ACSF3: variants seen among roughly 807,000 people sequenced by gnomAD.
ACSF3 encodes malonate--CoA ligase ACSF3, mitochondrial.
ACSF3 carries 78 observed loss-of-function variants against 53.2 expected under a neutral mutation model. That is an observed-to-expected ratio of 1.47 (90% CI 1.22 to 1.77). The LOEUF (loss-of-function observed/expected upper bound fraction) is 1.77. Among genes scored for constraint, ACSF3 ranks in the 40% most tolerant of loss-of-function variants. ACSF3 has a pLI of 0.00. For synonymous variants in ACSF3, 414 were observed against 333.1 expected (o/e 1.24, Z -2.65); for missense variants, 937 against 771.1 (o/e 1.22, Z -2.55).
In ACSF3 at chr16:89,101,046, C is replaced by T. The variant is rs1441479986; in HGVS notation, c.365C>T (p.Ala122Val). The change falls in exon 3 of 11, where the codon GCA (alanine) becomes GTA (valine). Residue 122 changes from alanine to valine, a missense_variant. Ala to Val is a moderately conservative substitution (Grantham distance 64). Transcript: ENST00000614302. ...GCGTCATGGATGAGTGGCGGTGTGG[C>T]AGTCCCCCTCTACAGGAAGCATCCC... ...QWASWMSGGV[A>V]VPLYRKHPAA... The T allele has an allele frequency of 1.9e-6, 3 of 1,613,900 alleles. No homozygotes were observed. Among genetic ancestry groups the T allele is most frequent in the Non-Finnish European group, 2.5e-6 (3 of 1,179,960 alleles).
chr16:89,112,632 CTG>C (rs2151446937), intron 5 of ACSF3, among the ~76,000 whole-genome samples: 1 of 152,226 alleles, frequency 6.6e-6, no homozygotes, highest in African/African-American at 2.4e-5. Flanking sequence ...CGCTCTTCAT[CTG>C]TCTCTCCGTC....
At chr16:89,110,264 A>G (rs1293849209) in intron 4 of ACSF3, among the ~76,000 whole-genome samples, 1 of 152,160 alleles carries the variant, frequency 6.6e-6, no homozygotes, top group Non-Finnish European at 1.5e-5. Flanking sequence ...GTTTTTTCTT[A>G]GAAGTTTTCT....
At position 89,100,837 on chromosome 16, in the gene ACSF3, C is replaced by G. The variant is rs746564011; in HGVS notation, c.156C>G (p.Ala52=). ...CCCCGGTGTTCACCCGTGCCCTGGC[C>G]TTTGGGGACAGAATCGCCCTGGTTG... is the stretch of plus-strand genomic sequence containing the variant. The part of the protein sequence containing the change: ...RSAPVFTRAL[A]FGDRIALVDQ... Residue 52 remains alanine (A), a synonymous_variant, in exon 3 of 11, where the codon GCC becomes GCG. Coordinates refer to ENST00000614302, the MANE Select transcript of ACSF3 (RefSeq NM_001243279.3). 4 of 1,613,348 alleles carry G rather than the reference C, an allele frequency of 2.5e-6. No individual in the cohort carries two copies. In the African/African-American group the frequency reaches 4.0e-5, roughly 16 times the overall value.
Position 89,093,900 on chromosome 16 carries a change from G to A in ACSF3, c.-290G>A, listed in dbSNP as rs1206688512. 1 of 326,384 alleles carries A rather than the reference G, an allele frequency of 3.1e-6. No individual in the cohort carries two copies. Among genetic ancestry groups the A allele is most frequent in the South Asian group, 2.1e-5 (1 of 47,308 alleles). The allele number at this position is 326,384 out of a possible 1,614,324, so 20.2% of individuals were successfully genotyped here. A position where few individuals can be genotyped will look rare whatever the true frequency, so the allele number is the denominator to read the frequency against. ...CCCGACTCACGACCCCGCGGGACCC[G>A]GCCGGAACCCGGCCCGACCCCGGCG... On this transcript the variant is annotated 5_prime_UTR_variant, in exon 1 of 11. Transcript: ENST00000614302.
chr16:89,102,293 T>A (rs1975437613), intron 3 of ACSF3: 6 of 430,040 alleles, frequency 1.4e-5, no homozygotes, highest in Admixed American at 7.0e-5. Context: ...AGTCCCAGGC[T>A]TGGGCAGGGG....
Position 89,101,161 on chromosome 16 carries a change from C to T in ACSF3, c.480C>T (p.Val160=), listed in dbSNP as rs375671065. 103 of 1,613,152 alleles carry T rather than the reference C, an allele frequency of 6.4e-5. No individual in the cohort carries two copies. Among genetic ancestry groups the T allele is most frequent in the Non-Finnish European group, 8.6e-5 (101 of 1,179,732 alleles). ...ACCTGGAGCTCCTGAGCCCGGTGGT[C>T]AGGAAGCTGGGGGTCCCGCTGCTGC... ...QEYLELLSPV[V]RKLGVPLLPL... The change falls in exon 3 of 11, where the codon GTC becomes GTT. Residue 160 remains valine, a synonymous_variant. Transcript: ENST00000614302.
chr16:89,151,669 C>G (rs188405092), intron 10 of ACSF3: 17 of 179,336 alleles, frequency 9.5e-5, no homozygotes, highest in African/African-American at 3.1e-4. Context: ...TGCAGTGGCA[C>G]GATCTCCGCT....
intron 10 of ACSF3, among the ~76,000 whole-genome samples, chr16:89,146,611 C>G (rs1030663916): frequency 1.3e-5 from 2 of 152,194 alleles, no homozygotes; most frequent in African/African-American, 2.4e-5. Flanking sequence ...CCACGGAGAC[C>G]CCAGCACCAT....
chr16:89,098,207 A>G (rs1459898688), intron 1 of ACSF3, among the ~76,000 whole-genome samples: 5 of 152,280 alleles, frequency 3.3e-5, no homozygotes, highest in Non-Finnish European at 7.3e-5. Flanking sequence ...ATTGTCATGA[A>G]GTTTGTTTTG....
At chr16:89,147,541 GCCACAGAGC>G (rs1567750410) in intron 10 of ACSF3, 33 of 63,008 alleles carry the variant, frequency 5.2e-4, no homozygotes, top group East Asian at 1.2e-3. Flanking sequence ...GGGGGGAGGG[GCCACAGAGC>G]GAGGAGGGGG....
chr16:89,139,108 C>T (rs1346382927), intron 8 of ACSF3, among the ~76,000 whole-genome samples: 3 of 152,228 alleles, frequency 2.0e-5, no homozygotes, highest in Non-Finnish European at 4.4e-5. Context: ...CGTATGGCAT[C>T]TGCACTATTG....
chr16:89,154,681 G>T lies in ACSF3; in HGVS notation c.*474G>T, dbSNP rs1567758907. Reference sequence around the variant, plus strand: ...GGAGGTCTGGGCAGCCACCCAGGGGGCCCTCCTGGGAGGAGCTGAGGGTTC... The same window carrying T: ...GGAGGTCTGGGCAGCCACCCAGGGGTCCCTCCTGGGAGGAGCTGAGGGTTC... On this transcript the variant is annotated 3_prime_UTR_variant, in exon 11 of 11. Coordinates refer to ENST00000614302, the MANE Select transcript of ACSF3 (RefSeq NM_001243279.3). 2 of 454,076 alleles carry T rather than the reference G, an allele frequency of 4.4e-6. No individual in the cohort carries two copies. The highest frequency in any genetic ancestry group is 4.7e-5 in the Admixed American group (2 of 42,572). 28.1% of individuals were successfully genotyped at this position (454,076 alleles called of 1,614,324 possible). A position where few individuals can be genotyped will look rare whatever the true frequency, so the allele number is the denominator to read the frequency against.
Position 89,155,987 on chromosome 16 carries a change from G to A in ACSF3, c.*1780G>A. Reference sequence around the variant, plus strand: ...TTGACCACAAACTACAGAAAGCCTGGAGCTCGTTGACCAGCCGGTTGACCA... The same window carrying A: ...TTGACCACAAACTACAGAAAGCCTGAAGCTCGTTGACCAGCCGGTTGACCA... On this transcript the variant is annotated 3_prime_UTR_variant, in exon 11 of 11. Coordinates refer to ENST00000614302, the MANE Select transcript of ACSF3 (RefSeq NM_001243279.3). 2 of 360,998 alleles carry A rather than the reference G, an allele frequency of 5.5e-6. No individual in the cohort carries two copies. The highest frequency in any genetic ancestry group is 1.1e-5 in the Non-Finnish European group (2 of 185,782). The allele number at this position is 360,998 out of a possible 1,614,324, so 22.4% of individuals were successfully genotyped here.
intron 8 of ACSF3, among the ~76,000 whole-genome samples, chr16:89,138,779 G>T (rs542439669): frequency 6.6e-6 from 1 of 152,250 alleles, no homozygotes; most frequent in African/African-American, 2.4e-5. Context: ...CCAGGCCCAC[G>T]AGGCGGCCAT....
chr16:89,110,735 T>G (rs1976580189), intron 4 of ACSF3, among the ~76,000 whole-genome samples: 1 of 152,254 alleles, frequency 6.6e-6, no homozygotes, highest in African/African-American at 2.4e-5. Flanking sequence ...AAGCTGGAGC[T>G]CAGTGTGGGA....
rs769212458 is a variant in ACSF3 at position 89,155,612 on chromosome 16, G to A, written c.*1405G>A. ...GGGAACAGTCAGAGGAAGGGGTCCCGCCCTCCCGCCAGAGGCCTGGACCCA... is the reference window on the plus strand; with the variant it reads ...GGGAACAGTCAGAGGAAGGGGTCCCACCCTCCCGCCAGAGGCCTGGACCCA... On this transcript the variant is annotated 3_prime_UTR_variant, in exon 11 of 11. Coordinates refer to ENST00000614302, the MANE Select transcript of ACSF3 (RefSeq NM_001243279.3). The A allele has an allele frequency of 1.5e-5, 7 of 453,840 alleles. No individual in the cohort carries two copies. The highest frequency in any genetic ancestry group is 4.7e-5 in the South Asian group (3 of 64,444). 28.1% of individuals were successfully genotyped at this position (453,840 alleles called of 1,614,324 possible).
At chr16:89,116,123 A>G (rs762911334) in intron 6 of ACSF3, among the ~76,000 whole-genome samples, 4 of 152,218 alleles carry the variant, frequency 2.6e-5, no homozygotes, top group African/African-American at 4.8e-5. Flanking sequence ...ATGTTTGTAC[A>G]TAGTGCGAGA....
rs763619768 is a variant in ACSF3, at chr16:89,102,646, G to C, written c.709G>C (p.Val237Leu). The change falls in exon 4 of 11, where the codon GTG becomes CTG. Residue 237 changes from valine to leucine, a missense_variant. Coordinates refer to ENST00000614302, the MANE Select transcript of ACSF3 (RefSeq NM_001243279.3). ...CAAGTGGGCATGGACCAAAGACGACGTGATCCTCCACGTGCTCCCGCTGCA... is the reference window on the plus strand; with the variant it reads ...CAAGTGGGCATGGACCAAAGACGACCTGATCCTCCACGTGCTCCCGCTGCA... ...VHKWAWTKDD[V>L]ILHVLPLHHV... 6.2e-7 allele frequency: 1 copy of C among 1,613,892 alleles called. No individual in the cohort carries two copies. Among genetic ancestry groups the C allele is most frequent in the Non-Finnish European group, 8.5e-7 (1 of 1,180,026 alleles).
Position 89,154,358 on chromosome 16 carries a change from C to T in ACSF3, c.*151C>T. 3.8e-6 allele frequency: 3 copies of T among 793,704 alleles called. No homozygotes were observed. The highest frequency in any genetic ancestry group is 2.1e-6 in the Non-Finnish European group (1 of 471,014). The allele number at this position is 793,704 out of a possible 1,614,324, so 49.2% of individuals were successfully genotyped here. On this transcript the variant is annotated 3_prime_UTR_variant, in exon 11 of 11. Transcript: ENST00000614302. ...AATCAAGAACTGTTTGGGATGAAAT[C>T]ACCATGTGGGGTCCCCAGCCTCGGG...
Sources: gnomAD v4.1 joint callset for allele counts (sites outside exome capture counted in the v4.1 genomes callset) on GRCh38, gnomAD v4.1.1 for gene constraint, MANE v1.5 for transcripts, NCBI Gene and HGNC (gene_info 2026-07-23, HGNC 2026-07-21) for gene names.